ZNF438: variants seen among roughly 807,000 people sequenced by gnomAD.
The protein encoded by ZNF438 is zinc finger protein 438.
A neutral mutation model predicts 38.0 loss-of-function variants in ZNF438; 25 were observed. The observed-to-expected ratio is 0.66, with a 90% CI of 0.48 to 0.92. The LOEUF is 0.92. Among genes scored for constraint, ZNF438 ranks in the 40% least tolerant of loss-of-function variants. The pLI is 0.00. For synonymous variants in ZNF438, 372 were observed against 364.1 expected, an observed-to-expected ratio of 1.02 and a Z score of -0.25; for missense variants, 1,007 against 999.6, an observed-to-expected ratio of 1.01 and a Z score of -0.10.
intron 4 of ZNF438, among the ~76,000 whole-genome samples, chr10:30,862,379 C>T (rs377093581): frequency 6.6e-6 from 1 of 152,118 alleles, no homozygotes. Context: ...ATAGCTCACC[C>T]GCAGCCTCAA....
At chr10:31,030,966 T>G (rs2057254180) in intron 1 of ZNF438, among the ~76,000 whole-genome samples, 2 of 152,260 alleles carry the variant, frequency 1.3e-5, no homozygotes, top group Admixed American at 1.3e-4. Flanking sequence ...GAAAGCTTCC[T>G]CTGCAAAACC....
chr10:30,930,177 C>T (rs1366369170), intron 2 of ZNF438, among the ~76,000 whole-genome samples: 5 of 120,468 alleles, frequency 4.2e-5, no homozygotes, highest in East Asian at 2.5e-4. Flanking sequence ...GGGGGGAGTG[C>T]GGGGCTCAGG....
intron 4 of ZNF438, among the ~76,000 whole-genome samples, chr10:30,872,425 CAAAAAA>C (rs566401687): frequency 1.0e-4 from 6 of 58,696 alleles, no homozygotes; most frequent in African/African-American, 2.4e-4. Flanking sequence ...GACTCTGTCT[CAAAAAA>C]AAAAAAAAAA....
At chr10:30,903,901 T>C (rs2042311362) in intron 3 of ZNF438, among the ~76,000 whole-genome samples, 1 of 152,130 alleles carries the variant, frequency 6.6e-6, no homozygotes, top group Admixed American at 6.5e-5. Context: ...AAGAGTTTTC[T>C]GTTGCAAAAT....
At chr10:31,030,294 T>C (rs1356643174) in intron 1 of ZNF438, among the ~76,000 whole-genome samples, 1 of 152,216 alleles carries the variant, frequency 6.6e-6, no homozygotes, top group East Asian at 1.9e-4. Flanking sequence ...ACTGCACTTA[T>C]GACTACCTGA....
chr10:30,892,088 T>C (rs1200863220), intron 3 of ZNF438, among the ~76,000 whole-genome samples: 1 of 152,228 alleles, frequency 6.6e-6, no homozygotes, highest in Non-Finnish European at 1.5e-5. Context: ...TTTGTTTTCC[T>C]CAATCAATCT....
intron 4 of ZNF438, 86 bp from the exon 6 acceptor site, chr10:30,850,453 G>A: frequency 2.1e-6 from 3 of 1,437,606 alleles, no homozygotes; most frequent in Non-Finnish European, 2.8e-6. Context: ...TATTTACTCT[G>A]CCCAGAACAG....
At chr10:30,957,544 T>A (rs2048997662) in intron 1 of ZNF438, among the ~76,000 whole-genome samples, 1 of 152,224 alleles carries the variant, frequency 6.6e-6, no homozygotes, top group Admixed American at 6.5e-5. Context: ...TTGATGTTGG[T>A]AAGAAACAGG....
intron 4 of ZNF438, among the ~76,000 whole-genome samples, chr10:30,854,072 C>T (rs2034176639): frequency 6.6e-6 from 1 of 152,204 alleles, no homozygotes; most frequent in Admixed American, 6.5e-5. Flanking sequence ...GTAATCCCAG[C>T]ACTTTGGGAG....
At chr10:30,934,171 A>AAG (rs2045986460) in intron 2 of ZNF438, among the ~76,000 whole-genome samples, 1 of 151,422 alleles carries the variant, frequency 6.6e-6, no homozygotes, top group South Asian at 2.1e-4. Context: ...AAAAAAAAAA[A>AAG]AGAAATCAGC....
intron 3 of ZNF438, among the ~76,000 whole-genome samples, chr10:30,904,370 A>C (rs1190898014): frequency 6.6e-6 from 1 of 152,112 alleles, no homozygotes; most frequent in Non-Finnish European, 1.5e-5. Flanking sequence ...CTTGGCTTCC[A>C]CCAAATAGTA....
At chr10:30,949,029 C>T (rs1487926994) in intron 1 of ZNF438, among the ~76,000 whole-genome samples, 1 of 152,024 alleles carries the variant, frequency 6.6e-6, no homozygotes, top group African/African-American at 2.4e-5. Context: ...AAAGGGAAGC[C>T]CATCAGACTA....
intron 1 of ZNF438, among the ~76,000 whole-genome samples, chr10:30,973,450 G>A (rs1016333544): frequency 2.6e-5 from 4 of 152,156 alleles, no homozygotes; most frequent in African/African-American, 4.8e-5. Context: ...ACTGAATGTT[G>A]ATCTCTGCAT....
At chr10:30,992,261 C>T (rs1324049718) in intron 1 of ZNF438, among the ~76,000 whole-genome samples, 2 of 152,034 alleles carry the variant, frequency 1.3e-5, no homozygotes, top group Non-Finnish European at 2.9e-5. Flanking sequence ...GCTATAATAT[C>T]TGAAAATGAA....
At chr10:31,017,003 C>T (rs972726430) in intron 1 of ZNF438, among the ~76,000 whole-genome samples, 1 of 152,190 alleles carries the variant, frequency 6.6e-6, no homozygotes, top group African/African-American at 2.4e-5. Context: ...CGTGTAGCTC[C>T]TTCCTAGTCC....
chr10:30,957,986 T>A (rs2049051487), intron 1 of ZNF438, among the ~76,000 whole-genome samples: 1 of 147,004 alleles, frequency 6.8e-6, no homozygotes, highest in Non-Finnish European at 1.5e-5. Context: ...TCTTGAGGTT[T>A]GGAAATGCTT....
chr10:30,940,902 T>C (rs1159848046), intron 2 of ZNF438, among the ~76,000 whole-genome samples: 2 of 151,800 alleles, frequency 1.3e-5, no homozygotes, highest in Non-Finnish European at 2.9e-5. Context: ...TTAGAAAAGT[T>C]GTATAAAGCC....
chr10:30,938,474 T>C (rs2046485662), intron 2 of ZNF438, among the ~76,000 whole-genome samples: 1 of 151,666 alleles, frequency 6.6e-6, no homozygotes, highest in Non-Finnish European at 1.5e-5. Flanking sequence ...TGGGGTTTCA[T>C]CATATTGGTC....
intron 3 of ZNF438, among the ~76,000 whole-genome samples, chr10:30,884,865 T>C (rs2172659): frequency 0.78 from 118,731 of 152,162 alleles, 47,125 homozygotes; most frequent in African/African-American, 0.89. Flanking sequence ...TGCTGCTTTG[T>C]TAAGGTTCCT....
Sources: gnomAD v4.1 joint callset for allele counts (sites outside exome capture counted in the v4.1 genomes callset) on GRCh38, gnomAD v4.1.1 for gene constraint, MANE v1.5 for transcripts, NCBI Gene and HGNC (gene_info 2026-07-23, HGNC 2026-07-21) for gene names.